Variants in TRAPPC12 observed in about 807,000 individuals in gnomAD.
The protein encoded by TRAPPC12 is trafficking protein particle complex subunit 12.
A neutral mutation model predicts 69.2 loss-of-function variants in TRAPPC12; 61 were observed. The ratio of observed to expected loss-of-function variants is 0.88; its 90% CI spans 0.72 to 1.09. The LOEUF is 1.09. TRAPPC12 is among the 50% of genes least tolerant of loss of function. The pLI, the probability that TRAPPC12 is intolerant of heterozygous loss-of-function variation, is 0.00. For missense variants in TRAPPC12, 1,101 were observed against 1,016.4 expected, an observed-to-expected ratio of 1.08 and a Z score of -1.13; for synonymous variants, 469 against 438.9, an observed-to-expected ratio of 1.07 and a Z score of -0.86.
intron 8 of TRAPPC12, among the ~76,000 whole-genome samples, chr2:3,463,634 G>A (rs1251938177): frequency 2.0e-5 from 3 of 151,282 alleles, no homozygotes; most frequent in African/African-American, 7.3e-5. Flanking sequence ...GGGTGATGCG[G>A]CTGGCCACGG....
At chr2:3,404,553 C>A (rs1661621911) in intron 3 of TRAPPC12, among the ~76,000 whole-genome samples, 1 of 152,108 alleles carries the variant, frequency 6.6e-6, no homozygotes, top group South Asian at 2.1e-4. Context: ...TCATTATATG[C>A]ATGAACTGGG....
chr2:3,388,995 C>T (rs1022975230), intron 2 of TRAPPC12: 10 of 261,564 alleles, frequency 3.8e-5, no homozygotes, highest in Non-Finnish European at 6.4e-5. Context: ...AAATCCATTT[C>T]TTTCTTTAAA....
chr2:3,409,472 G>A (rs1661918633), intron 3 of TRAPPC12, among the ~76,000 whole-genome samples: 1 of 152,038 alleles, frequency 6.6e-6, no homozygotes, highest in African/African-American at 2.4e-5. Context: ...ATCTGGCTGG[G>A]CACAATGGCT....
intron 3 of TRAPPC12, among the ~76,000 whole-genome samples, chr2:3,405,872 C>G (rs1661701162): frequency 6.6e-6 from 1 of 152,208 alleles, no homozygotes; most frequent in Non-Finnish European, 1.5e-5. Context: ...CAGCTGCACT[C>G]CTAACCCATG....
chr2:3,432,801 G>C (rs954470689), intron 5 of TRAPPC12, among the ~76,000 whole-genome samples: 6 of 152,172 alleles, frequency 3.9e-5, no homozygotes, highest in Non-Finnish European at 7.3e-5. Context: ...TCTACCATGA[G>C]AACACCCAAA....
intron 5 of TRAPPC12, among the ~76,000 whole-genome samples, chr2:3,429,059 C>G (rs1362921947): frequency 4.6e-5 from 7 of 152,234 alleles, no homozygotes; most frequent in Admixed American, 4.6e-4. Context: ...GAGGTGGAAG[C>G]TGCTTGCATC....
At chr2:3,454,276 G>A (rs972124234) in intron 6 of TRAPPC12, among the ~76,000 whole-genome samples, 91 of 152,118 alleles carry the variant, frequency 6.0e-4, no homozygotes, top group African/African-American at 2.1e-3. Flanking sequence ...AGGTGGGTCT[G>A]GAGGGGTGTA....
rs1558399469 is a variant in TRAPPC12 at position 3,458,055 on chromosome 2, TCGGGGACAGAGGCCTCTGC to T, written c.1603+363_1603+381del. The stretch of plus-strand genomic sequence containing the variant: ...TGCGTCGGGGAGAGAGGCCTCTGCG[TCGGGGACAGAGGCCTCTGC>T]GTCGGGGACAGAGGCTCGGGAGGGT... On this transcript the variant is annotated intron_variant, in intron 7 of 11. Transcript: ENST00000324266. 3.4e-4 allele frequency: 125 copies of T among 362,766 alleles called. 1 individual carries two copies. The African/African-American group carries it at 0.029, about 85-fold the overall frequency. The allele number at this position is 362,766 out of a possible 1,614,324, so 22.5% of individuals were successfully genotyped here. A position where few individuals can be genotyped will look rare whatever the true frequency, so the allele number is the denominator to read the frequency against.
chr2:3,459,989 T>G, intron 7 of TRAPPC12: 3 of 538,496 alleles, frequency 5.6e-6, no homozygotes, highest in East Asian at 3.4e-5. Flanking sequence ...GGTCGGACCA[T>G]TTGGCCTTGT....
rs200774577 is a variant in TRAPPC12, at chr2:3,457,687, A to G, written c.1597A>G (p.Arg533Gly). 68 of 1,610,716 alleles carry G rather than the reference A, an allele frequency of 4.2e-5. No individual in the cohort carries two copies. Among genetic ancestry groups the G allele is most frequent in the Non-Finnish European group, 4.9e-5 (58 of 1,179,974 alleles). The change falls in exon 7 of 12, where the codon AGA (arginine) becomes GGA (glycine). Residue 533 changes from arginine (R) to glycine (G), a missense_variant. Arg to Gly is a moderately radical substitution (Grantham distance 125, BLOSUM62 -2). Coordinates refer to ENST00000324266, the MANE Select transcript of TRAPPC12 (RefSeq NM_016030.6). ...GGMSSVTQEG[R>G]QASIRLWRSR... ...CATGAGCAGCGTGACTCAGGAGGGCAGACAAGGTGGGTCGGCCGGACTTTG... is the reference window on the plus strand; with the variant it reads ...CATGAGCAGCGTGACTCAGGAGGGCGGACAAGGTGGGTCGGCCGGACTTTG...
intron 8 of TRAPPC12, among the ~76,000 whole-genome samples, chr2:3,465,018 G>A (rs1665728926): frequency 1.3e-5 from 2 of 152,222 alleles, no homozygotes; most frequent in Non-Finnish European, 2.9e-5. Context: ...TCTCTAAAAC[G>A]GGAAGGTCTC....
intron 4 of TRAPPC12, among the ~76,000 whole-genome samples, chr2:3,423,414 C>T (rs1440844001): frequency 1.3e-5 from 2 of 152,044 alleles, no homozygotes; most frequent in Admixed American, 6.5e-5. Context: ...TGTGTCACCA[C>T]GTCTACAATA....
At chr2:3,390,659 G>A (rs79914007) in intron 2 of TRAPPC12, among the ~76,000 whole-genome samples, 3,113 of 152,248 alleles carry the variant, frequency 0.02, 114 homozygotes, top group East Asian at 0.18. Context: ...TTTAATGCTG[G>A]GTACATGTTG....
chr2:3,396,491 T>G (rs2103455255), intron 2 of TRAPPC12, among the ~76,000 whole-genome samples: 1 of 152,294 alleles, frequency 6.6e-6, no homozygotes, highest in South Asian at 2.1e-4. Flanking sequence ...CTTTATCATT[T>G]TTGTCAATTT....
At chr2:3,386,180 G>T (rs968343740) in intron 1 of TRAPPC12, among the ~76,000 whole-genome samples, 2 of 152,080 alleles carry the variant, frequency 1.3e-5, no homozygotes, top group Non-Finnish European at 2.9e-5. Flanking sequence ...GTGAGAAAAG[G>T]GTAGTCTTAT....
chr2:3,402,390 G>A (rs1167991497), intron 3 of TRAPPC12, among the ~76,000 whole-genome samples: 1 of 152,134 alleles, frequency 6.6e-6, no homozygotes, highest in Admixed American at 6.5e-5. Context: ...AGGAGTTCAA[G>A]ACCAGCCTGG....
chr2:3,421,751 C>T, intron 3 of TRAPPC12, 130 bp from the exon 4 acceptor site: 1 of 817,480 alleles, frequency 1.2e-6, no homozygotes, highest in Non-Finnish European at 2.1e-6. Context: ...ACGTTGTCAC[C>T]ATTACTAACG....
chr2:3,453,217 A>G (rs909525353), intron 6 of TRAPPC12, among the ~76,000 whole-genome samples: 1 of 152,164 alleles, frequency 6.6e-6, no homozygotes, highest in Non-Finnish European at 1.5e-5. Flanking sequence ...CTGCGCCCCC[A>G]TCTGTAAAAT....
In TRAPPC12 at chr2:3,414,098, T is replaced by C. The variant is rs927524105; in HGVS notation, c.1165-7783T>C. 6.6e-6 allele frequency among the ~76,000 whole-genome samples: 1 copy of C among 152,158 alleles called. No individual in the cohort carries two copies. Among genetic ancestry groups the C allele is most frequent in the African/African-American group, 2.4e-5 (1 of 41,414 alleles). Reference sequence around the variant, plus strand: ...CCCCCCAAAGAATTAGAAAACTAGGTACCCCTCACACATTTTTAAGCTATC... The same window carrying C: ...CCCCCCAAAGAATTAGAAAACTAGGCACCCCTCACACATTTTTAAGCTATC... On this transcript the variant is annotated intron_variant, in intron 3 of 11. Transcript: ENST00000324266. This position sits in a 1 kb window ranked among gnomAD's most constrained non-coding sequence, Gnocchi z 4.9.
Sources: gnomAD v4.1 joint callset for allele counts (sites outside exome capture counted in the v4.1 genomes callset) on GRCh38, gnomAD v4.1.1 for gene constraint, Gnocchi (gnomAD v3.1) non-coding constraint, MANE v1.5 for transcripts, NCBI Gene and HGNC (gene_info 2026-07-23, HGNC 2026-07-21) for gene names.